Variants in CCNB1 observed in about 807,000 individuals in gnomAD.
CCNB1 encodes cyclin B1.
In CCNB1, 26 loss-of-function variants were observed where a neutral mutation model predicts 44.4. The ratio of observed to expected loss-of-function variants is 0.59; its 90% confidence interval spans 0.43 to 0.81. CCNB1 has a LOEUF of 0.81. Ranked by LOEUF, CCNB1 falls within the 40% of genes least tolerant of loss-of-function variation. The pLI is 0.00. For synonymous variants in CCNB1, 195 were observed against 181.4 expected (o/e 1.08, Z -0.60); for missense variants, 477 against 520.9 (o/e 0.92, Z 0.82).
At chr5:69,174,432 TC>T (rs767189054) in intron 5 of CCNB1, 23 bp downstream of exon 5, 1 of 1,610,548 alleles carries the variant, frequency 6.2e-7, no homozygotes, top group Non-Finnish European at 8.5e-7. Context: ...GTAAGAGTTT[TC>T]CCTTCCAGGA....
At chr5:69,176,577 A>T (rs957221595) in intron 7 of CCNB1, among the ~76,000 whole-genome samples, 1 of 149,514 alleles carries the variant, frequency 6.7e-6, no homozygotes, top group Non-Finnish European at 1.5e-5. Context: ...TCACCGTGTT[A>T]GCCAGGATGG....
intron 4 of CCNB1, among the ~76,000 whole-genome samples, chr5:69,171,784 C>T (rs770695537): frequency 9.2e-5 from 14 of 152,260 alleles, no homozygotes; most frequent in South Asian, 2.1e-4. Context: ...TAGGTGATAA[C>T]GGGTCAGGAA....
chr5:69,170,911 C>A (rs1344658914), intron 3 of CCNB1, among the ~76,000 whole-genome samples: 2 of 152,098 alleles, frequency 1.3e-5, no homozygotes, highest in Non-Finnish European at 2.9e-5. Flanking sequence ...AGCTGTTATG[C>A]CCAACCTCAT....
chr5:69,167,823 C>A, intron 1 of CCNB1, 85 bp from the exon 2 acceptor site: 1 of 1,271,150 alleles, frequency 7.9e-7, no homozygotes, highest in East Asian at 2.4e-5. Context: ...TTTCTGGGAA[C>A]TTCTCCTTGT....
chr5:69,173,590 T>C (rs1422236827), intron 4 of CCNB1, among the ~76,000 whole-genome samples: 1 of 152,132 alleles, frequency 6.6e-6, no homozygotes, highest in Non-Finnish European at 1.5e-5. Flanking sequence ...GTTACTGATA[T>C]TTTCTCTACA....
rs539016234 is a variant in CCNB1 at position 69,177,909 on chromosome 5, C to A, written c.*278C>A. 3.7e-6 allele frequency: 1 copy of A among 269,350 alleles called. No individual in the cohort carries two copies. Among genetic ancestry groups the A allele is most frequent in the Non-Finnish European group, 7.0e-6 (1 of 142,370 alleles). 16.7% of individuals were successfully genotyped at this position (269,350 alleles called of 1,614,324 possible). The stretch of plus-strand genomic sequence containing the variant: ...CTGGGTTCTTGTTTTATATACCTGG[C>A]TTTTACTTTATTAATATGAGTTACT... On this transcript the variant is annotated 3_prime_UTR_variant, in exon 9 of 9. Coordinates refer to ENST00000256442, the MANE Select transcript of CCNB1 (RefSeq NM_031966.4).
At chr5:69,172,131 G>A (rs1747473806) in intron 4 of CCNB1, among the ~76,000 whole-genome samples, 1 of 152,136 alleles carries the variant, frequency 6.6e-6, no homozygotes, top group East Asian at 1.9e-4. Context: ...AGGCTAGAGG[G>A]CAGTGGTGCG....
intron 4 of CCNB1, 26 bp downstream of exon 4, chr5:69,171,478 C>A: frequency 6.7e-7 from 1 of 1,487,030 alleles, no homozygotes; most frequent in Non-Finnish European, 9.2e-7. Context: ...CGTTTTTTTT[C>A]TAAACTGCAT....
intron 5 of CCNB1, 65 bp downstream of exon 5, chr5:69,174,474 TC>T: frequency 6.6e-7 from 1 of 1,515,278 alleles, no homozygotes; most frequent in Non-Finnish European, 9.1e-7. Flanking sequence ...ACTGATGTTT[TC>T]AGGCCAGTCT....
At chr5:69,177,388 GTAATAATT>G in intron 8 of CCNB1, 39 bp downstream of exon 8, 1 of 1,415,058 alleles carries the variant, frequency 7.1e-7, no homozygotes, top group African/African-American at 1.4e-5. Flanking sequence ...GCTGAAAAGT[GTAATAATT>G]CAAACTTAAT....
intron 7 of CCNB1, among the ~76,000 whole-genome samples, chr5:69,176,688 T>C (rs561814410): frequency 1.6e-4 from 24 of 151,246 alleles, no homozygotes; most frequent in African/African-American, 5.8e-4. Flanking sequence ...GTCTTAAGAA[T>C]AGAACTATGT....
At chr5:69,171,495 T>G (rs1432535078) in intron 4 of CCNB1, 43 bp downstream of exon 4, 1 of 1,375,170 alleles carries the variant, frequency 7.3e-7, no homozygotes, top group Non-Finnish European at 1.0e-6. Context: ...GCATCTAACT[T>G]TATGAAAGTA....
intron 4 of CCNB1, among the ~76,000 whole-genome samples, chr5:69,171,853 T>C (rs1348925551): frequency 1.3e-5 from 2 of 152,194 alleles, no homozygotes; most frequent in Non-Finnish European, 2.9e-5. Context: ...CAAGGCATTT[T>C]GTGTTAGTGT....
Position 69,177,290 on chromosome 5 carries a change from G to C in CCNB1, c.1135G>C (p.Val379Leu). The change falls in exon 8 of 9, where the codon GTT becomes CTT. Residue 379 changes from valine (V) to leucine (L), a missense_variant. Physicochemically the swap from Val to Leu is conservative, Grantham distance 32 (BLOSUM62 1). Coordinates refer to ENST00000256442, the MANE Select transcript of CCNB1 (RefSeq NM_031966.4). ...LSYTEESLLP[V>L]MQHLAKNVVM... The stretch of plus-strand genomic sequence containing the variant: ...ATATACTGAAGAATCTCTTCTTCCA[G>C]TTATGCAGCACCTGGCTAAGAATGT... The C allele has an allele frequency of 6.2e-7, 1 of 1,613,532 alleles. No homozygotes were observed. The highest frequency in any genetic ancestry group is 1.3e-5 in the African/African-American group (1 of 75,018).
intron 7 of CCNB1, among the ~76,000 whole-genome samples, chr5:69,176,196 C>A (rs2112060456): frequency 6.6e-6 from 1 of 151,056 alleles, no homozygotes; most frequent in South Asian, 2.1e-4. Context: ...TCGAGTGTTT[C>A]CATTTCTTTC....
chr5:69,177,463 T>G, intron 8 of CCNB1, 61 bp from the exon 9 acceptor site: 1 of 1,252,420 alleles, frequency 8.0e-7, no homozygotes, highest in Non-Finnish European at 1.2e-6. Context: ...AATACCTGTA[T>G]CATTGCATCT....
chr5:69,168,376 G>A lies in CCNB1; in HGVS notation c.363+33G>A, dbSNP rs553573558. Reference sequence around the variant, plus strand: ...TATTCTTACCATTGTAGAGTCTGTTGATTATTTCTTGTCCCTTATTTCACT... The same window carrying A: ...TATTCTTACCATTGTAGAGTCTGTTAATTATTTCTTGTCCCTTATTTCACT... On this transcript the variant is annotated intron_variant, in intron 3 of 8. Transcript: ENST00000256442. 2 of 1,612,090 alleles carry A rather than the reference G, an allele frequency of 1.2e-6. 1 individual carries two copies. The highest frequency in any genetic ancestry group is 3.3e-5 in the Admixed American group (2 of 59,810).
intron 1 of CCNB1, among the ~76,000 whole-genome samples, chr5:69,167,641 T>G (rs1747364704): frequency 1.3e-5 from 2 of 152,112 alleles, no homozygotes; most frequent in Non-Finnish European, 2.9e-5. Flanking sequence ...AATTGGAGGC[T>G]TTTTCGGTTT....
rs751695652 is a variant in CCNB1 at position 69,174,970 on chromosome 5, G to C, written c.799G>C (p.Gly267Arg). The C allele has an allele frequency of 6.2e-7, 1 of 1,613,984 alleles. No homozygotes were observed. The highest frequency in any genetic ancestry group is 8.5e-7 in the Non-Finnish European group (1 of 1,180,014). The change falls in exon 6 of 9, where the codon GGT becomes CGT. Residue 267 changes from glycine (G) to arginine (R), a missense_variant. Physicochemically the swap from Gly to Arg is moderately radical, Grantham distance 125. Coordinates refer to ENST00000256442, the MANE Select transcript of CCNB1 (RefSeq NM_031966.4). ...TGAAGAAATGTACCCTCCAGAAATT[G>C]GTGACTTTGCTTTTGTGACTGACAA... is the stretch of plus-strand genomic sequence containing the variant. ...KYEEMYPPEI[G>R]DFAFVTDNTY... is the part of the protein sequence containing the mutation.
Sources: allele counts gnomAD v4.1 joint callset (sites outside exome capture counted in the v4.1 genomes callset), GRCh38; gene constraint gnomAD v4.1.1; transcripts MANE v1.5; gene names NCBI Gene and HGNC (gene_info 2026-07-23, HGNC 2026-07-21).